WDR41: variants seen among roughly 807,000 people sequenced by gnomAD.
WDR41 encodes WD repeat-containing protein 41.
WDR41 carries 63 observed loss-of-function variants against 69.3 expected under a neutral mutation model. The observed-to-expected ratio is 0.91, with a 90% CI of 0.74 to 1.12. The LOEUF (loss-of-function observed/expected upper bound fraction) is 1.12. WDR41 is among the 50% of genes most tolerant of loss of function. The pLI, the probability that WDR41 is intolerant of heterozygous loss-of-function variation, is 0.00. For missense variants in WDR41, 543 were observed against 534.5 expected (o/e 1.02, Z -0.16); for synonymous variants, 185 against 192.1 (o/e 0.96, Z 0.31).
chr5:77,609,271 A>G (rs1259360805), intron 1 of WDR41, among the ~76,000 whole-genome samples: 1 of 152,212 alleles, frequency 6.6e-6, no homozygotes, highest in Non-Finnish European at 1.5e-5. Context: ...GCAGACTTAA[A>G]TGTCCCTATC....
chr5:77,471,126 T>C (rs1490338702), intron 2 of WDR41, among the ~76,000 whole-genome samples: 1 of 152,144 alleles, frequency 6.6e-6, no homozygotes, highest in Non-Finnish European at 1.5e-5. Context: ...AGAAACTCAC[T>C]CAAAACCGTT....
In WDR41 at chr5:77,437,566, T is replaced by A. The variant is rs183471102; in HGVS notation, c.1005-142A>T. On this transcript the variant is annotated intron_variant, in intron 10 of 12. Transcript: ENST00000296679. Reference sequence around the variant, plus strand: ...AACTGACAAAAATCACAATTTAGCATGACGTTACAACGCAAACTAAAAGCA... The same window carrying A: ...AACTGACAAAAATCACAATTTAGCAAGACGTTACAACGCAAACTAAAAGCA... 2.1e-4 allele frequency: 159 copies of A among 750,412 alleles called. 1 individual carries two copies. The African/African-American group carries it at 2.4e-3, about 11-fold the overall frequency. The allele number at this position is 750,412 out of a possible 1,614,324, so 46.5% of individuals were successfully genotyped here.
intron 1 of WDR41, among the ~76,000 whole-genome samples, chr5:77,547,266 A>G (rs2112234744): frequency 6.6e-6 from 1 of 152,156 alleles, no homozygotes; most frequent in African/African-American, 2.4e-5. Flanking sequence ...TGGAAGTCCT[A>G]GGTAGAGCAA....
At chr5:77,534,825 C>T (rs1372061144) in intron 1 of WDR41, among the ~76,000 whole-genome samples, 1 of 152,150 alleles carries the variant, frequency 6.6e-6, no homozygotes, top group Non-Finnish European at 1.5e-5. Context: ...GAAGTAGGTC[C>T]TGCTCTCAGA....
chr5:77,511,873 C>G (rs1802208452), intron 1 of WDR41, among the ~76,000 whole-genome samples: 1 of 151,608 alleles, frequency 6.6e-6, no homozygotes, highest in Non-Finnish European at 1.5e-5. Flanking sequence ...CGAGAGCCAA[C>G]CTAATTATTA....
intron 11 of WDR41, among the ~76,000 whole-genome samples, 172 bp downstream of exon 11, chr5:77,437,164 T>A (rs550918720): frequency 1.3e-5 from 2 of 152,228 alleles, no homozygotes; most frequent in Non-Finnish European, 2.9e-5. Context: ...ATTAGGGCAG[T>A]ATTAAGCTGT....
intron 2 of WDR41, among the ~76,000 whole-genome samples, chr5:77,474,234 A>G (rs1365447388): frequency 1.3e-5 from 2 of 151,942 alleles, no homozygotes; most frequent in African/African-American, 4.8e-5. Flanking sequence ...GAACTGAACA[A>G]TGAGAACACA....
intron 1 of WDR41, among the ~76,000 whole-genome samples, chr5:77,597,523 G>T (rs975384655): frequency 2.6e-5 from 4 of 152,170 alleles, no homozygotes; most frequent in Admixed American, 6.5e-5. Context: ...TCTGCCTATA[G>T]CAGCAAATAC....
intron 1 of WDR41, among the ~76,000 whole-genome samples, chr5:77,599,653 G>A (rs1406024015): frequency 1.3e-5 from 2 of 152,166 alleles, no homozygotes; most frequent in Non-Finnish European, 2.9e-5. Flanking sequence ...TGGGAAGAGA[G>A]GTGAAGAATA....
chr5:77,539,286 T>A (rs1433916885), intron 1 of WDR41, among the ~76,000 whole-genome samples: 1 of 152,246 alleles, frequency 6.6e-6, no homozygotes. Context: ...TAGCCTTCTA[T>A]AAATATCAAT....
chr5:77,557,686 C>T (rs1007985134), intron 1 of WDR41, among the ~76,000 whole-genome samples: 3 of 151,378 alleles, frequency 2.0e-5, no homozygotes, highest in Admixed American at 6.6e-5. Flanking sequence ...AATTCCACTC[C>T]TAGGCACGTA....
At chr5:77,543,393 G>GA (rs1743129050) in intron 1 of WDR41, among the ~76,000 whole-genome samples, 1 of 151,252 alleles carries the variant, frequency 6.6e-6, no homozygotes, top group African/African-American at 2.5e-5. Context: ...CCAATGTAAG[G>GA]AAATCCAAAA....
At chr5:77,545,962 T>G in intron 1 of WDR41, 1 of 489,552 alleles carries the variant, frequency 2.0e-6, no homozygotes, top group Admixed American at 3.8e-5. Flanking sequence ...GGCTCCGTGC[T>G]GGTGACCTCA....
intron 1 of WDR41, among the ~76,000 whole-genome samples, chr5:77,594,357 A>G (rs939069144): frequency 6.6e-6 from 1 of 152,082 alleles, no homozygotes; most frequent in Non-Finnish European, 1.5e-5. Flanking sequence ...TAGCACATGT[A>G]TACATATGTA....
chr5:77,468,835 AT>A (rs1800421716), intron 2 of WDR41, among the ~76,000 whole-genome samples: 1 of 152,252 alleles, frequency 6.6e-6, no homozygotes, highest in East Asian at 1.9e-4. Context: ...TGATCATCTC[AT>A]CATTTTTTTT....
At chr5:77,610,763 C>T (rs1744530233) in intron 1 of WDR41, among the ~76,000 whole-genome samples, 1 of 152,070 alleles carries the variant, frequency 6.6e-6, no homozygotes, top group Non-Finnish European at 1.5e-5. Context: ...AGCAAAATCA[C>T]CAGCTAACAT....
intron 3 of WDR41, among the ~76,000 whole-genome samples, chr5:77,464,274 C>CTTTTTTTTTTTTTTT (rs71606297): frequency 1.1e-4 from 10 of 94,220 alleles, no homozygotes; most frequent in Admixed American, 4.2e-4. Flanking sequence ...TAGGAAAAAA[C>CTTTTTTTTTTTTTTT]TTTTTTTTTT....
At position 77,432,154 on chromosome 5, in the gene WDR41, T is replaced by C. The variant is rs548900914; in HGVS notation, c.*981A>G. The C allele has an allele frequency of 6.6e-5, 10 of 152,170 alleles. No individual in the cohort carries two copies. The highest frequency in any genetic ancestry group is 1.3e-4 in the Admixed American group (2 of 15,270). The allele number at this position is 152,170 out of a possible 1,614,324, so 9.4% of individuals were successfully genotyped here. On this transcript the variant is annotated 3_prime_UTR_variant, in exon 13 of 13. Coordinates refer to ENST00000296679, the MANE Select transcript of WDR41 (RefSeq NM_018268.4). The stretch of plus-strand genomic sequence containing the variant: ...TATAATGAACAAATAAATCTGTAGG[T>C]TTTCTGTAAGAAGGGTCAGTCTGCT...
intron 1 of WDR41, chr5:77,491,669 C>G (rs13165354): frequency 0.016 from 2,526 of 154,532 alleles, 34 homozygotes; most frequent in Non-Finnish European, 0.026. Flanking sequence ...ATAATTATAT[C>G]CTTTTTCGGT....
Sources: allele counts gnomAD v4.1 joint callset (sites outside exome capture counted in the v4.1 genomes callset), GRCh38; gene constraint gnomAD v4.1.1; transcripts MANE v1.5; gene names NCBI Gene and HGNC (gene_info 2026-07-23, HGNC 2026-07-21).